ACSL6: variants seen among roughly 807,000 people sequenced by gnomAD.
ACSL6 encodes the protein acyl-CoA synthetase long chain family member 6, also known as long-chain-fatty-acid--CoA ligase 6.
A neutral mutation model predicts 98.2 loss-of-function variants in ACSL6; 47 were observed. The observed-to-expected ratio is 0.48, with a 90% confidence interval of 0.38 to 0.61. The LOEUF (loss-of-function observed/expected upper bound fraction) is 0.61, where lower values mean the gene tolerates loss of function less well. Among genes scored for constraint, ACSL6 ranks in the 20% least tolerant of loss-of-function variants. The pLI is 0.00. For synonymous variants in ACSL6, 362 were observed against 336.9 expected (o/e 1.07, Z -0.82); for missense variants, 761 against 913.4 (o/e 0.83, Z 2.15).
chr5:132,007,724 T>C (rs902242894), intron 1 of ACSL6, among the ~76,000 whole-genome samples: 2 of 152,160 alleles, frequency 1.3e-5, no homozygotes, highest in Non-Finnish European at 2.9e-5. Flanking sequence ...CAATAGTTAA[T>C]CCCATAAAAA....
Position 131,994,290 on chromosome 5 carries a change from C to T in ACSL6, c.50-39G>A, listed in dbSNP as rs373312390. ...GAGTCAGATAAGGCAAGAGACCTGA[C>T]GGGCAGGTTAGGGAGGGGTCCTGGG... On this transcript the variant is annotated intron_variant, in intron 1 of 20. Transcript: ENST00000651883. The T allele has an allele frequency of 6.1e-5, 95 of 1,553,560 alleles. No homozygotes were observed. In the South Asian group the frequency reaches 7.3e-4, roughly 12 times the overall value.
chr5:131,988,534 C>T lies in ACSL6; in HGVS notation c.652+271G>A, dbSNP rs1256124379. ...ACCCCCTGCATCTGTGCCAAGCTGT[C>T]ATGAACTTCAGAGGGCTGTACCCTG... On this transcript the variant is annotated intron_variant, in intron 6 of 20. Transcript: ENST00000651883. 2.5e-6 allele frequency: 4 copies of T among 1,599,750 alleles called. No homozygotes were observed. The South Asian group carries it at 4.4e-5, about 18-fold the overall frequency.
intron 8 of ACSL6, 131 bp from the exon 9 acceptor site, chr5:131,985,589 C>A: frequency 1.2e-6 from 1 of 862,292 alleles, no homozygotes; most frequent in Non-Finnish European, 1.9e-6. Flanking sequence ...GTTGGGCACG[C>A]CTGCATGCTC....
intron 1 of ACSL6, among the ~76,000 whole-genome samples, chr5:131,998,411 A>T (rs1754899201): frequency 1.3e-5 from 2 of 152,210 alleles, no homozygotes; most frequent in African/African-American, 4.8e-5. Context: ...GGCTAAGGAA[A>T]CTGGAACTTC....
At chr5:131,986,255 C>T (rs1283253306) in intron 8 of ACSL6, among the ~76,000 whole-genome samples, 2 of 152,176 alleles carry the variant, frequency 1.3e-5, no homozygotes, top group African/African-American at 4.8e-5. Context: ...GTGACCTGCT[C>T]AGGCCTGTGT....
Position 131,966,541 on chromosome 5 carries a change from C to G in ACSL6, c.1597-9G>C, listed in dbSNP as rs1381018319. 1 of 1,611,616 alleles carries G rather than the reference C, an allele frequency of 6.2e-7. No individual in the cohort carries two copies. Among genetic ancestry groups the G allele is most frequent in the Admixed American group, 1.7e-5 (1 of 59,992 alleles). ...GGTCCTCTCACACATATCTATGGGA[C>G]AAAAACCATGGCTTCTCTCAGCCAC... On this transcript the variant is annotated splice_polypyrimidine_tract_variant and intron_variant, in intron 16 of 20. Transcript: ENST00000651883.
chr5:131,990,522 G>A (rs1299842664), intron 3 of ACSL6, among the ~76,000 whole-genome samples: 1 of 152,178 alleles, frequency 6.6e-6, no homozygotes, highest in Non-Finnish European at 1.5e-5. Flanking sequence ...TACCCTGAGA[G>A]CACCCAGACA....
At chr5:131,960,355 A>G (rs1752638124) in intron 19 of ACSL6, among the ~76,000 whole-genome samples, 165 bp downstream of exon 19, 1 of 152,250 alleles carries the variant, frequency 6.6e-6, no homozygotes, top group Non-Finnish European at 1.5e-5. Context: ...TTTCTTCAGT[A>G]ACAAAAAGAC....
At chr5:132,000,607 T>C (rs960667945) in intron 1 of ACSL6, among the ~76,000 whole-genome samples, 3 of 152,040 alleles carry the variant, frequency 2.0e-5, no homozygotes, top group African/African-American at 7.2e-5. Context: ...GTATTTTGAA[T>C]TGGACACTCA....
At chr5:131,980,809 G>A (rs2126858025) in intron 9 of ACSL6, among the ~76,000 whole-genome samples, 1 of 152,022 alleles carries the variant, frequency 6.6e-6, no homozygotes, top group African/African-American at 2.4e-5. Context: ...CCTGTCAAGT[G>A]CCTCACCTCT....
chr5:131,991,467 G>A (rs1754509677), intron 2 of ACSL6, among the ~76,000 whole-genome samples: 1 of 152,178 alleles, frequency 6.6e-6, no homozygotes, highest in Non-Finnish European at 1.5e-5. Context: ...ATAATGAAGT[G>A]AGTTAGAGGA....
At chr5:131,993,864 A>G in intron 2 of ACSL6, 167 bp downstream of exon 2, 1 of 666,280 alleles carries the variant, frequency 1.5e-6, no homozygotes, top group East Asian at 2.8e-5. Flanking sequence ...AGTGCCTGGT[A>G]GGAGACCCTG....
At chr5:132,001,503 G>A (rs1299150626) in intron 1 of ACSL6, among the ~76,000 whole-genome samples, 2 of 152,136 alleles carry the variant, frequency 1.3e-5, no homozygotes, top group Admixed American at 1.3e-4. Context: ...CCCTGACTTG[G>A]GAATTGCCAG....
chr5:131,966,353 A>G, intron 17 of ACSL6, 63 bp downstream of exon 17: 1 of 1,511,686 alleles, frequency 6.6e-7, no homozygotes, highest in South Asian at 1.1e-5. Context: ...TGCCTCAGTG[A>G]CCCGGACCAC....
chr5:131,975,089 G>A, intron 10 of ACSL6, 119 bp from the exon 11 acceptor site: 4 of 1,443,124 alleles, frequency 2.8e-6, no homozygotes, highest in Non-Finnish European at 3.7e-6. Flanking sequence ...GAGGGGGAGG[G>A]GAATGGGAGT....
intron 14 of ACSL6, among the ~76,000 whole-genome samples, chr5:131,970,521 C>T (rs1305922106): frequency 1.3e-5 from 2 of 151,914 alleles, no homozygotes; most frequent in African/African-American, 2.4e-5. Flanking sequence ...GCCATTCTCC[C>T]GCCTCAGCCT....
At chr5:131,966,035 C>T (rs1429915365) in intron 17 of ACSL6, among the ~76,000 whole-genome samples, 1 of 152,208 alleles carries the variant, frequency 6.6e-6, no homozygotes. Context: ...CACCTTTTGG[C>T]TGCGGGCCAG....
At chr5:131,994,443 C>A in intron 1 of ACSL6, 192 bp from the exon 2 acceptor site, 2 of 586,736 alleles carry the variant, frequency 3.4e-6, no homozygotes, top group Non-Finnish European at 6.1e-6. Context: ...GAACCTTCTG[C>A]CGTCACACCT....
intron 9 of ACSL6, chr5:131,982,778 G>A (rs1196254639): frequency 6.6e-6 from 1 of 152,184 alleles, no homozygotes; most frequent in African/African-American, 2.4e-5. Context: ...GACTTCCTCT[G>A]GGAATCCTTT....
Sources: gnomAD v4.1 joint callset for allele counts (sites outside exome capture counted in the v4.1 genomes callset) on GRCh38, gnomAD v4.1.1 for gene constraint, MANE v1.5 for transcripts, NCBI Gene and HGNC (gene_info 2026-07-23, HGNC 2026-07-21) for gene names.